The following SLC35F3 variants were observed in gnomAD, a reference collection of about 807,000 sequenced individuals.
SLC35F3 encodes the protein solute carrier family 35 member F3.
Under a neutral mutation model 49.9 loss-of-function variants are expected in SLC35F3, and 25 were observed. The observed-to-expected ratio is 0.50, with a 90% CI of 0.37 to 0.70. The LOEUF is 0.70. SLC35F3 is among the 30% of genes least tolerant of loss of function. The probability of loss-of-function intolerance (pLI) is 0.00; values close to 1 mark genes in which losing one functional copy is unlikely to be tolerated. For missense variants in SLC35F3, 525 were observed against 639.8 expected, an observed-to-expected ratio of 0.82 and a Z score of 1.94; for synonymous variants, 275 against 265.4, an observed-to-expected ratio of 1.04 and a Z score of -0.35.
rs376426878 is a variant in SLC35F3, at chr1:234,017,043, G to A, written c.283+111285G>A. 5.8e-4 allele frequency among the ~76,000 whole-genome samples: 89 copies of A among 152,242 alleles called. 2 individuals are homozygous for A. In the East Asian group the frequency reaches 6.6e-3, roughly 11 times the overall value. On this transcript the variant is annotated intron_variant, in intron 2 of 7. Coordinates refer to ENST00000366618, the MANE Select transcript of SLC35F3 (RefSeq NM_173508.4). The stretch of plus-strand genomic sequence containing the variant: ...ATCATTCCTTAATCTGCGTGTCTTA[G>A]TAACAGTAGTCCATACCTTATTGGG...
rs1357648853 is a variant in SLC35F3, at chr1:234,233,847, T to C, written c.608+2106T>C. On this transcript the variant is annotated intron_variant, in intron 3 of 7. Coordinates refer to ENST00000366618, the MANE Select transcript of SLC35F3 (RefSeq NM_173508.4). ...GCTCCAGCTCTTTAAAAAAGTTGTT[T>C]TGTTTTGTTTTGTTTTTTGTTTGTT... Among the ~76,000 whole-genome samples, 6 of 140,438 alleles carry C rather than the reference T, an allele frequency of 4.3e-5. 1 individual carries two copies. The highest frequency in any genetic ancestry group is 1.0e-4 in the Non-Finnish European group (6 of 60,144). 92.1% of individuals were successfully genotyped at this position (140,438 alleles called of 152,430 possible).
chr1:234,243,686 G>C (rs1430227503), intron 3 of SLC35F3, among the ~76,000 whole-genome samples: 1 of 152,208 alleles, frequency 6.6e-6, no homozygotes, highest in Non-Finnish European at 1.5e-5. Flanking sequence ...GCAAGCCACT[G>C]GTGTCCCGTT....
chr1:234,138,168 A>T (rs1031058429), intron 2 of SLC35F3, among the ~76,000 whole-genome samples: 2 of 152,236 alleles, frequency 1.3e-5, no homozygotes, highest in South Asian at 2.1e-4. Context: ...TTTAGGTTAC[A>T]CTATATAACA....
intron 3 of SLC35F3, among the ~76,000 whole-genome samples, chr1:234,273,895 C>T (rs936930020): frequency 6.6e-6 from 1 of 152,088 alleles, no homozygotes; most frequent in Non-Finnish European, 1.5e-5. Context: ...TAAGACTGAC[C>T]AGCACAAGTG....
intron 2 of SLC35F3, among the ~76,000 whole-genome samples, chr1:234,133,818 T>G (rs2102899481): frequency 6.6e-6 from 1 of 152,300 alleles, no homozygotes; most frequent in South Asian, 2.1e-4. Context: ...TCTCTTTGAT[T>G]TTATGAATCC....
chr1:233,950,480 CCTTCCTTT>C (rs563461733), intron 2 of SLC35F3, among the ~76,000 whole-genome samples: 3,608 of 146,690 alleles, frequency 0.025, 79 homozygotes, highest in South Asian at 0.077. Context: ...TTCCTTCCTT[CCTTCCTTT>C]CTCCCTCCCC....
intron 2 of SLC35F3, among the ~76,000 whole-genome samples, chr1:234,059,330 T>G (rs889629273): frequency 3.9e-5 from 6 of 152,172 alleles, no homozygotes; most frequent in African/African-American, 1.4e-4. Context: ...AAGCACTGTT[T>G]TAGCTGCACT....
At chr1:233,961,448 T>G (rs983255199) in intron 2 of SLC35F3, among the ~76,000 whole-genome samples, 2 of 148,218 alleles carry the variant, frequency 1.3e-5, no homozygotes, top group Non-Finnish European at 3.0e-5. Flanking sequence ...CTTTTTTTTT[T>G]TCCTCTCTTT....
intron 2 of SLC35F3, among the ~76,000 whole-genome samples, chr1:234,160,825 G>A (rs1212998461): frequency 6.6e-6 from 1 of 152,212 alleles, no homozygotes; most frequent in African/African-American, 2.4e-5. Flanking sequence ...AAGTGTACAT[G>A]TCATGCATAT....
At chr1:234,020,717 A>G (rs1422499227) in intron 2 of SLC35F3, among the ~76,000 whole-genome samples, 2 of 151,880 alleles carry the variant, frequency 1.3e-5, no homozygotes, top group Non-Finnish European at 2.9e-5. Flanking sequence ...GTGAATTACT[A>G]TTTTTTTCTT....
At chr1:234,275,334 CAA>C (rs1018623772) in intron 3 of SLC35F3, among the ~76,000 whole-genome samples, 1 of 143,410 alleles carries the variant, frequency 7.0e-6, no homozygotes, top group African/African-American at 2.6e-5. Context: ...CCCAAAATCC[CAA>C]AAAAAAAAAA....
chr1:234,222,562 C>T (rs568894896), intron 2 of SLC35F3, among the ~76,000 whole-genome samples: 1 of 152,336 alleles, frequency 6.6e-6, no homozygotes, highest in Admixed American at 6.5e-5. Flanking sequence ...CCCCCCATAG[C>T]TGCCCAGCAC....
At chr1:234,186,836 G>A (rs1173913463) in intron 2 of SLC35F3, among the ~76,000 whole-genome samples, 1 of 152,148 alleles carries the variant, frequency 6.6e-6, no homozygotes, top group African/African-American at 2.4e-5. Context: ...ATGGGAAGAG[G>A]CCCCATAGTG....
chr1:234,221,402 G>A (rs1667202310), intron 2 of SLC35F3, among the ~76,000 whole-genome samples: 1 of 152,164 alleles, frequency 6.6e-6, no homozygotes, highest in Admixed American at 6.5e-5. Context: ...CGGGGAGGAA[G>A]CACAAGACAG....
chr1:233,950,293 G>A (rs1241886979), intron 2 of SLC35F3, among the ~76,000 whole-genome samples: 1 of 146,506 alleles, frequency 6.8e-6, no homozygotes, highest in Non-Finnish European at 1.5e-5. Context: ...GGCTGAGGCA[G>A]GAGAATGACA....
At chr1:234,042,326 T>C (rs1255474318) in intron 2 of SLC35F3, among the ~76,000 whole-genome samples, 4 of 152,206 alleles carry the variant, frequency 2.6e-5, no homozygotes, top group Admixed American at 6.5e-5. Flanking sequence ...GATGATATGG[T>C]ACCAATTTTA....
At chr1:233,970,073 A>C (rs1662967899) in intron 2 of SLC35F3, among the ~76,000 whole-genome samples, 1 of 152,112 alleles carries the variant, frequency 6.6e-6, no homozygotes, top group Non-Finnish European at 1.5e-5. Context: ...CAGCAATGCA[A>C]GGGTCCTGTT....
intron 2 of SLC35F3, among the ~76,000 whole-genome samples, chr1:233,949,084 A>G (rs1316030719): frequency 6.6e-6 from 1 of 152,074 alleles, no homozygotes; most frequent in African/African-American, 2.4e-5. Context: ...AGTTCTGTCC[A>G]TTCCATCATG....
chr1:233,933,755 C>T (rs990238457), intron 2 of SLC35F3, among the ~76,000 whole-genome samples: 4 of 152,130 alleles, frequency 2.6e-5, no homozygotes, highest in South Asian at 2.1e-4. Context: ...GCAGGAGAAT[C>T]GCTTGAACCT....
Sources: gnomAD v4.1 joint callset for allele counts (sites outside exome capture counted in the v4.1 genomes callset) on GRCh38, gnomAD v4.1.1 for gene constraint, MANE v1.5 for transcripts, NCBI Gene and HGNC (gene_info 2026-07-23, HGNC 2026-07-21) for gene names.